AUTS2: variants seen among roughly 807,000 people sequenced by gnomAD.
The protein encoded by AUTS2 is autism susceptibility gene 2 protein.
Under a neutral mutation model 112.4 loss-of-function variants are expected in AUTS2, and 17 were observed. The observed-to-expected ratio is 0.15, with a 90% CI of 0.10 to 0.23. AUTS2 has a LOEUF of 0.23. AUTS2 is among the 10% of genes least tolerant of loss of function. The pLI, the probability that AUTS2 is intolerant of heterozygous loss-of-function variation, is 1.00. For missense variants in AUTS2, 1,510 were observed against 1,701.6 expected (o/e 0.89, Z 1.98); for synonymous variants, 751 against 702.7 (o/e 1.07, Z -1.09).
At chr7:70,337,378 C>A (rs1392406040) in intron 4 of AUTS2, among the ~76,000 whole-genome samples, 2 of 152,158 alleles carry the variant, frequency 1.3e-5, no homozygotes, top group African/African-American at 2.4e-5. Flanking sequence ...GACTATTGAA[C>A]TTTCAATTAG....
intron 5 of AUTS2, among the ~76,000 whole-genome samples, chr7:70,583,234 T>C (rs1563056578): frequency 6.6e-6 from 1 of 152,178 alleles, no homozygotes; most frequent in Non-Finnish European, 1.5e-5. Flanking sequence ...CGGTAAGATA[T>C]CCCAGAGATT....
intron 5 of AUTS2, among the ~76,000 whole-genome samples, chr7:70,620,454 G>A (rs965837593): frequency 6.6e-6 from 1 of 152,074 alleles, no homozygotes; most frequent in African/African-American, 2.4e-5. Flanking sequence ...TGCAGTAGGC[G>A]CTCAGTCACA....
intron 4 of AUTS2, among the ~76,000 whole-genome samples, chr7:70,415,183 TC>T (rs1026129899): frequency 6.6e-4 from 100 of 152,272 alleles, no homozygotes; most frequent in African/African-American, 2.4e-3. Context: ...TTTGTCCCAT[TC>T]CCCGATGATA....
chr7:70,325,981 G>A (rs995723735), intron 4 of AUTS2, among the ~76,000 whole-genome samples: 2 of 152,180 alleles, frequency 1.3e-5, no homozygotes, highest in African/African-American at 4.8e-5. Flanking sequence ...CACATGTTTT[G>A]TGTTTGATTC....
intron 1 of AUTS2, among the ~76,000 whole-genome samples, chr7:69,757,673 A>G (rs1364642256): frequency 6.6e-6 from 1 of 152,112 alleles, no homozygotes; most frequent in African/African-American, 2.4e-5. Flanking sequence ...CCTCCTTGTT[A>G]TTACTGTTTG....
intron 5 of AUTS2, among the ~76,000 whole-genome samples, chr7:70,566,859 C>T (rs1469353170): frequency 2.0e-5 from 3 of 152,186 alleles, no homozygotes; most frequent in South Asian, 2.1e-4. Context: ...GTACGAATTT[C>T]GCAATAGCTG....
intron 5 of AUTS2, among the ~76,000 whole-genome samples, chr7:70,628,958 G>T (rs919239927): frequency 6.6e-6 from 1 of 152,138 alleles, no homozygotes; most frequent in South Asian, 2.1e-4. Context: ...CTGAATGTAA[G>T]GATGTCGGGA....
chr7:70,611,465 G>C (rs961878645), intron 5 of AUTS2, among the ~76,000 whole-genome samples: 1 of 152,214 alleles, frequency 6.6e-6, no homozygotes, highest in Non-Finnish European at 1.5e-5. Flanking sequence ...TGACATTATA[G>C]AGTGCCATGC....
At chr7:70,383,394 G>C (rs1276361393) in intron 4 of AUTS2, among the ~76,000 whole-genome samples, 1 of 152,040 alleles carries the variant, frequency 6.6e-6, no homozygotes, top group Non-Finnish European at 1.5e-5. Context: ...TAAAATTTTA[G>C]CCTTTAAAAA....
chr7:70,164,611 T>G (rs1169911053), intron 4 of AUTS2, among the ~76,000 whole-genome samples: 1 of 152,192 alleles, frequency 6.6e-6, no homozygotes, highest in Non-Finnish European at 1.5e-5. Flanking sequence ...CACAAAAGAC[T>G]ATGTCACAGC....
At chr7:69,635,401 C>G (rs1391853921) in intron 1 of AUTS2, among the ~76,000 whole-genome samples, 1 of 152,216 alleles carries the variant, frequency 6.6e-6, no homozygotes, top group Non-Finnish European at 1.5e-5. Flanking sequence ...GCTGAAAATA[C>G]ATCTGAGAAT....
At chr7:70,695,992 C>A (rs890876225) in intron 5 of AUTS2, among the ~76,000 whole-genome samples, 1 of 152,030 alleles carries the variant, frequency 6.6e-6, no homozygotes. Context: ...TCGGCTCATT[C>A]TGGGCTCGCC....
At chr7:69,847,285 G>A (rs937816489) in intron 1 of AUTS2, among the ~76,000 whole-genome samples, 5 of 152,220 alleles carry the variant, frequency 3.3e-5, no homozygotes, top group African/African-American at 9.7e-5. Context: ...ATTACACTGA[G>A]CGTGTGGATA....
chr7:70,240,309 C>T (rs1159099772), intron 4 of AUTS2, among the ~76,000 whole-genome samples: 1 of 152,172 alleles, frequency 6.6e-6, no homozygotes, highest in Admixed American at 6.5e-5. Context: ...TTCCCTGAAC[C>T]ACTCTTAAGA....
At chr7:69,938,626 G>A (rs1378295287) in intron 2 of AUTS2, among the ~76,000 whole-genome samples, 1 of 152,188 alleles carries the variant, frequency 6.6e-6, no homozygotes, top group African/African-American at 2.4e-5. Flanking sequence ...GAGGGTCGGT[G>A]TTACAGGGAG....
intron 2 of AUTS2, among the ~76,000 whole-genome samples, chr7:69,914,374 C>T (rs970215470): frequency 2.0e-5 from 3 of 150,972 alleles, no homozygotes; most frequent in African/African-American, 7.3e-5. Context: ...CACACACACA[C>T]ACACACACAC....
In AUTS2 at chr7:70,774,304, C is replaced by CGACTT. The variant is rs1790550581; in HGVS notation, c.1902+207_1902+211dup. ...CTGCGAGCATAGGACACAAAGAGAC[C>CGACTT]GACTTGCCGATGGGAGAAAAGAGGA... On this transcript the variant is annotated intron_variant, in intron 12 of 18. Transcript: ENST00000342771. 8 of 547,944 alleles carry CGACTT rather than the reference C, an allele frequency of 1.5e-5. No individual in the cohort carries two copies. The South Asian group carries it at 2.1e-4, about 14-fold the overall frequency. The allele number at this position is 547,944 out of a possible 1,614,324, so 33.9% of individuals were successfully genotyped here.
chr7:70,496,377 CA>C (rs1212996328), intron 5 of AUTS2, among the ~76,000 whole-genome samples: 9 of 127,804 alleles, frequency 7.0e-5, no homozygotes, highest in Non-Finnish European at 5.0e-5. Context: ...TCACACACCC[CA>C]CTCACACACA....
At chr7:70,732,407 C>T (rs1428814843) in intron 6 of AUTS2, among the ~76,000 whole-genome samples, 2 of 152,118 alleles carry the variant, frequency 1.3e-5, no homozygotes, top group Non-Finnish European at 2.9e-5. Context: ...GACCAGTCTA[C>T]CTGTTGAGAA....
Sources: allele counts gnomAD v4.1 joint callset (sites outside exome capture counted in the v4.1 genomes callset), GRCh38; gene constraint gnomAD v4.1.1; transcripts MANE v1.5; gene names NCBI Gene and HGNC (gene_info 2026-07-23, HGNC 2026-07-21).